Variants in TRAF3IP3 observed in about 807,000 individuals in gnomAD.
TRAF3IP3 encodes TRAF3-interacting JNK-activating modulator.
A neutral mutation model predicts 86.5 loss-of-function variants in TRAF3IP3; 64 were observed. The ratio of observed to expected loss-of-function variants is 0.74; its 90% CI spans 0.60 to 0.91. The LOEUF (loss-of-function observed/expected upper bound fraction) is 0.91, where lower values mean the gene tolerates loss of function less well. Among genes scored for constraint, TRAF3IP3 ranks in the 40% least tolerant of loss-of-function variants. TRAF3IP3 has a pLI of 0.00. For synonymous variants in TRAF3IP3, 220 were observed against 243.9 expected (o/e 0.90, Z 0.91); for missense variants, 579 against 642.9 (o/e 0.90, Z 1.07).
intron 8 of TRAF3IP3, among the ~76,000 whole-genome samples, chr1:209,771,782 T>G: frequency 3.3e-5 from 4 of 121,420 alleles, no homozygotes; most frequent in Middle Eastern, 7.0e-3. Flanking sequence ...TATATGGAGG[T>G]GTGCGTGTGC....
intron 12 of TRAF3IP3, chr1:209,777,748 A>C: frequency 2.0e-6 from 1 of 505,704 alleles, no homozygotes; most frequent in Non-Finnish European, 3.5e-6. Context: ...GCCAGATCAC[A>C]GCTGCTCCCA....
chr1:209,770,706 T>TGTGTGCAGGTGGAGGTGTGC (rs2077462685), intron 8 of TRAF3IP3, among the ~76,000 whole-genome samples: 2 of 127,604 alleles, frequency 1.6e-5, no homozygotes, highest in African/African-American at 3.1e-5. Context: ...TGGAGGTGTG[T>TGTGTGCAGGTGGAGGTGTGC]GTGTGCAGGT....
intron 8 of TRAF3IP3, among the ~76,000 whole-genome samples, chr1:209,769,102 A>G (rs940108634): frequency 9.9e-5 from 15 of 152,232 alleles, no homozygotes; most frequent in African/African-American, 3.6e-4. Context: ...AGGTACCCCA[A>G]AAGGGTAGGA....
rs139566006 is a variant in TRAF3IP3, at chr1:209,758,971, C to A, written c.-159-63C>A. On this transcript the variant is annotated intron_variant, in intron 1 of 16. Transcript: ENST00000367025. ...AGAGGGTCATCCTGTGGCCCCTACACCAAGCCTGGCTCCCTGGAAACTTCT... is the reference window on the plus strand; with the variant it reads ...AGAGGGTCATCCTGTGGCCCCTACAACAAGCCTGGCTCCCTGGAAACTTCT... 2.0e-5 allele frequency: 3 copies of A among 152,388 alleles called. No homozygotes were observed. In the East Asian group the frequency reaches 5.8e-4, roughly 29 times the overall value. The allele number at this position is 152,388 out of a possible 1,614,324, so 9.4% of individuals were successfully genotyped here.
chr1:209,770,166 A>C (rs1279717274), intron 8 of TRAF3IP3, among the ~76,000 whole-genome samples: 1 of 152,204 alleles, frequency 6.6e-6, no homozygotes, highest in Admixed American at 6.5e-5. Context: ...AGACAGCCCC[A>C]GCTTATGAAT....
intron 1 of TRAF3IP3, 100 bp downstream of exon 1, chr1:209,756,409 G>GC (rs2077156107): frequency 1.3e-5 from 2 of 152,382 alleles, no homozygotes; most frequent in South Asian, 4.1e-4. Flanking sequence ...TGGGTGGAGA[G>GC]TGGGTGGCAT....
At chr1:209,775,525 T>A (rs372606397) in intron 10 of TRAF3IP3, 36 bp downstream of exon 10, 8 of 1,614,030 alleles carry the variant, frequency 5.0e-6, no homozygotes, top group Non-Finnish European at 6.8e-6. Flanking sequence ...GGCTGGGGAC[T>A]CCAGGCAGCT....
intron 8 of TRAF3IP3, among the ~76,000 whole-genome samples, chr1:209,766,862 T>A (rs1004967179): frequency 3.9e-5 from 6 of 152,182 alleles, no homozygotes; most frequent in African/African-American, 1.4e-4. Flanking sequence ...AGATTCTGTC[T>A]CAAAAAATAA....
chr1:209,771,502 G>GGT (rs139927430), intron 8 of TRAF3IP3, among the ~76,000 whole-genome samples: 65,139 of 131,046 alleles, frequency 0.5, 17,332 homozygotes, highest in African/African-American at 0.68. Context: ...TGCATGTGAA[G>GGT]GTGTGTGTGA....
At chr1:209,773,711 G>GCTTAGA (rs1235315543) in intron 9 of TRAF3IP3, among the ~76,000 whole-genome samples, 1 of 152,188 alleles carries the variant, frequency 6.6e-6, no homozygotes, top group Non-Finnish European at 1.5e-5. Flanking sequence ...GTCTTACAGG[G>GCTTAGA]GAAGAGAGTT....
chr1:209,768,259 A>G, intron 8 of TRAF3IP3: 1 of 985,368 alleles, frequency 1.0e-6, no homozygotes, highest in Non-Finnish European at 1.2e-6. Context: ...CAAACTCCCT[A>G]TTAGAATCCC....
At chr1:209,765,198 A>C (rs1316921645) in intron 8 of TRAF3IP3, among the ~76,000 whole-genome samples, 2 of 117,102 alleles carry the variant, frequency 1.7e-5, no homozygotes, top group African/African-American at 7.6e-5. Flanking sequence ...AGAGAGAGAG[A>C]GAGAGAGAGA....
chr1:209,775,213 TA>T, intron 9 of TRAF3IP3, 135 bp from the exon 10 acceptor site: 1 of 823,360 alleles, frequency 1.2e-6, no homozygotes, highest in Non-Finnish European at 1.9e-6. Flanking sequence ...AGCTCTACCC[TA>T]AAAGAAATGG....
chr1:209,778,744 C>T (rs1196807668), intron 13 of TRAF3IP3: 1 of 154,806 alleles, frequency 6.5e-6, no homozygotes, highest in African/African-American at 2.4e-5. Context: ...GCAAAGCAAC[C>T]ACAGGGAAAA....
intron 1 of TRAF3IP3, among the ~76,000 whole-genome samples, chr1:209,757,348 C>T (rs184892232): frequency 3.3e-5 from 5 of 152,322 alleles, no homozygotes; most frequent in South Asian, 2.1e-4. Flanking sequence ...CTTTCCTCTT[C>T]GCGGCAAGAA....
intron 9 of TRAF3IP3, 118 bp from the exon 10 acceptor site, chr1:209,775,231 A>G: frequency 1.1e-6 from 1 of 935,238 alleles, no homozygotes; most frequent in Non-Finnish European, 1.6e-6. Flanking sequence ...ATGGCTCACT[A>G]GATTACTGGT....
intron 8 of TRAF3IP3, among the ~76,000 whole-genome samples, chr1:209,772,538 C>T (rs780470800): frequency 6.6e-6 from 1 of 152,104 alleles, no homozygotes. Context: ...GGGGAGACTG[C>T]GTTAGCCTCA....
At chr1:209,781,679 A>C (rs1333228017) in intron 16 of TRAF3IP3, 2 of 507,360 alleles carry the variant, frequency 3.9e-6, no homozygotes, top group African/African-American at 3.8e-5. Context: ...AGAAGGAAAG[A>C]CTTACTCTTA....
At chr1:209,778,596 A>G in intron 13 of TRAF3IP3, 1 of 161,026 alleles carries the variant, frequency 6.2e-6, no homozygotes, top group Non-Finnish European at 1.3e-5. Context: ...AAAGAGGAAA[A>G]GGGACTTCTC....
Sources: gnomAD v4.1 joint callset for allele counts (sites outside exome capture counted in the v4.1 genomes callset) on GRCh38, gnomAD v4.1.1 for gene constraint, MANE v1.5 for transcripts, NCBI Gene and HGNC (gene_info 2026-07-23, HGNC 2026-07-21) for gene names.